VRTN: variants seen among roughly 807,000 people sequenced by gnomAD.
The protein encoded by VRTN is vertebrae development associated.
In VRTN, 5 loss-of-function variants were observed where a neutral mutation model predicts 18.2. The observed-to-expected ratio is 0.27, with a 90% CI of 0.14 to 0.58. VRTN has a LOEUF of 0.58. Among genes scored for constraint, VRTN ranks in the 20% least tolerant of loss-of-function variants. VRTN has a pLI of 0.91. For missense variants in VRTN, 741 were observed against 939.4 expected (o/e 0.79, Z 2.76); for synonymous variants, 381 against 393.7 (o/e 0.97, Z 0.38).
intron 2 of VRTN, among the ~76,000 whole-genome samples, chr14:74,338,535 GT>G (rs2085580242): frequency 1.3e-5 from 2 of 152,178 alleles, no homozygotes; most frequent in African/African-American, 4.8e-5. Flanking sequence ...CCTACACAGA[GT>G]AGATGTTTAA....
intron 1 of VRTN, among the ~76,000 whole-genome samples, chr14:74,312,422 G>A (rs988313981): frequency 6.6e-6 from 1 of 152,130 alleles, no homozygotes; most frequent in Non-Finnish European, 1.5e-5. Flanking sequence ...TTTGACTAAA[G>A]AGCCCATATG....
intron 1 of VRTN, among the ~76,000 whole-genome samples, chr14:74,334,471 A>G (rs1485017045): frequency 2.0e-5 from 3 of 152,200 alleles, no homozygotes; most frequent in Non-Finnish European, 4.4e-5. Context: ...CAGAAGTTGC[A>G]GTGAGCTGAG....
At chr14:74,344,806 T>TA (rs1221449858), upstream of VRTN, among the ~76,000 whole-genome samples, 1 of 146,094 alleles carries the variant, frequency 6.8e-6, no homozygotes, top group African/African-American at 2.6e-5. Flanking sequence ...CATTGGACAG[T>TA]AGTGGCTCTG....
At chr14:74,340,201 C>T (rs887183270) in intron 2 of VRTN, among the ~76,000 whole-genome samples, 7 of 151,936 alleles carry the variant, frequency 4.6e-5, no homozygotes, top group East Asian at 1.9e-4. Context: ...CAACCTCCGC[C>T]TCCCAGGTTC....
intron 1 of VRTN, among the ~76,000 whole-genome samples, chr14:74,303,843 A>AT (rs67822776): frequency 0.022 from 1,946 of 88,472 alleles, 39 homozygotes; most frequent in Middle Eastern, 0.034. Flanking sequence ...ACAATTACAG[A>AT]TTTTTTTTTT....
intron 1 of VRTN, among the ~76,000 whole-genome samples, chr14:74,352,092 C>T (rs543802516): frequency 2.6e-5 from 4 of 152,062 alleles, no homozygotes; most frequent in East Asian, 1.9e-4. Context: ...CCTTGTGATC[C>T]GCCTGCCTCG....
chr14:74,347,890 A>T (rs2085653809), upstream of VRTN, among the ~76,000 whole-genome samples: 2 of 152,296 alleles, frequency 1.3e-5, no homozygotes, highest in Admixed American at 6.5e-5. Flanking sequence ...TTGAGCCCCA[A>T]GCCTGGGGGA....
At chr14:74,354,201 ATTGTT>A (rs1476230530) in intron 1 of VRTN, among the ~76,000 whole-genome samples, 1 of 152,196 alleles carries the variant, frequency 6.6e-6, no homozygotes, top group Non-Finnish European at 1.5e-5. Context: ...GTTTTGATAT[ATTGTT>A]TTGGTGGAAG....
chr14:74,343,415 C>T (rs1016978964), intron 2 of VRTN, among the ~76,000 whole-genome samples: 44 of 152,170 alleles, frequency 2.9e-4, no homozygotes, highest in African/African-American at 1.4e-4. Context: ...CGTGAGCCAC[C>T]GTGCCTGACT....
chr14:74,357,015 G>A lies in VRTN; in HGVS notation c.232G>A (p.Val78Met). The A allele has an allele frequency of 6.2e-7, 1 of 1,609,784 alleles. No individual in the cohort carries two copies. The highest frequency in any genetic ancestry group is 2.2e-5 in the East Asian group (1 of 44,812). The change falls in exon 2 of 2, where the codon GTG becomes ATG. Residue 78 changes from valine (V) to methionine (M), a missense_variant. By Grantham distance (21) the Val-to-Met change is conservative. Around this residue, in one of 3 missense-constraint regions of VRTN, gnomAD observed 186 missense variants for 288.3 expected, o/e 0.65. Coordinates refer to ENST00000256362, the MANE Select transcript of VRTN (RefSeq NM_018228.3). This position sits in a 1 kb window ranked among gnomAD's most constrained non-coding sequence, Gnocchi z 7.8. The part of the protein sequence containing the change: ...EDAPRNMLPL[V>M]CKGEGSLLFE... Reference sequence around the variant, plus strand: ...TGCTCCACGGAACATGCTGCCGCTGGTGTGCAAGGGGGAGGGCAGCCTGCT... The same window carrying A: ...TGCTCCACGGAACATGCTGCCGCTGATGTGCAAGGGGGAGGGCAGCCTGCT...
Position 74,303,843 on chromosome 14 carries a change from A to ATTTTTTTTTT in VRTN, c.-164+683_-164+692dup, listed in dbSNP as rs67822776. Among the ~76,000 whole-genome samples, 131 of 88,488 alleles carry ATTTTTTTTTT rather than the reference A, an allele frequency of 1.5e-3. 11 individuals carry two copies. Among genetic ancestry groups the ATTTTTTTTTT allele is most frequent in the African/African-American group, 6.2e-3 (119 of 19,338 alleles). 58.1% of individuals were successfully genotyped at this position (88,488 alleles called of 152,430 possible). ...TAGGTCAATCAGTTGACAATTACAG[A>ATTTTTTTTTT]TTTTTTTTTTTTTTTTTTTTTTTTT... On this transcript the variant is annotated intron_variant, in intron 1 of 2. Coordinates refer to the VRTN transcript ENST00000557177.
intron 1 of VRTN, among the ~76,000 whole-genome samples, chr14:74,352,412 C>G (rs1350876439): frequency 6.8e-6 from 1 of 146,740 alleles, no homozygotes; most frequent in Non-Finnish European, 1.5e-5. Context: ...CTCCTGATCT[C>G]GTGATCCACC....
intron 2 of VRTN, among the ~76,000 whole-genome samples, chr14:74,342,570 A>G (rs1386742205): frequency 1.3e-5 from 2 of 152,198 alleles, no homozygotes; most frequent in Admixed American, 6.5e-5. Flanking sequence ...CTGACAAATC[A>G]ATAAGAAAAA....
chr14:74,323,075 G>C (rs1287144429), intron 1 of VRTN, among the ~76,000 whole-genome samples: 1 of 152,096 alleles, frequency 6.6e-6, no homozygotes, highest in Non-Finnish European at 1.5e-5. Context: ...GGAGGTTGAA[G>C]TGAGCAGAGA....
intron 2 of VRTN, among the ~76,000 whole-genome samples, chr14:74,339,505 G>GA (rs1489850543): frequency 3.9e-5 from 6 of 151,986 alleles, no homozygotes; most frequent in African/African-American, 1.5e-4. Flanking sequence ...GAAGGAGAAA[G>GA]AAAGAACAAA....
At position 74,331,079 on chromosome 14, in the gene VRTN, G is replaced by A. The variant is rs2085519130; in HGVS notation, c.-163-6644G>A. ...TAGCTGGGCATGGTGGCGGGCACCT[G>A]TAGTCCCAGCTACTCGGGAGGCTGA... On this transcript the variant is annotated intron_variant, in intron 1 of 2. Coordinates refer to the VRTN transcript ENST00000557177. 5.3e-5 allele frequency among the ~76,000 whole-genome samples: 8 copies of A among 152,002 alleles called. No homozygotes were observed. In the South Asian group the frequency reaches 1.7e-3, roughly 32 times the overall value.
intron 1 of VRTN, among the ~76,000 whole-genome samples, chr14:74,315,759 T>C (rs1276029841): frequency 6.6e-6 from 1 of 152,158 alleles, no homozygotes; most frequent in Non-Finnish European, 1.5e-5. Context: ...AGACAATGCT[T>C]ATCATGCTCA....
At chr14:74,312,145 A>G (rs1224945221) in intron 1 of VRTN, among the ~76,000 whole-genome samples, 1 of 152,224 alleles carries the variant, frequency 6.6e-6, no homozygotes, top group Non-Finnish European at 1.5e-5. Context: ...TTGTGCCATC[A>G]TAAGTCAGGG....
At chr14:74,322,713 G>C (rs547721847) in intron 1 of VRTN, among the ~76,000 whole-genome samples, 2 of 152,276 alleles carry the variant, frequency 1.3e-5, no homozygotes, top group South Asian at 4.1e-4. Flanking sequence ...TCCTGCAGTG[G>C]AACAGAAGCT....
Sources: allele counts gnomAD v4.1 joint callset (sites outside exome capture counted in the v4.1 genomes callset), GRCh38; gene constraint gnomAD v4.1.1; regional missense constraint gnomAD v4.1.1; non-coding constraint Gnocchi (gnomAD v3.1); transcripts MANE v1.5; gene names NCBI Gene and HGNC (gene_info 2026-07-23, HGNC 2026-07-21).